NCAM2: variants seen among roughly 807,000 people sequenced by gnomAD.
NCAM2 encodes the protein neural cell adhesion molecule 2.
In NCAM2, 30 loss-of-function variants were observed where a neutral mutation model predicts 98.1. That is an observed-to-expected ratio of 0.31 (90% CI 0.23 to 0.41). The LOEUF (loss-of-function observed/expected upper bound fraction) is 0.41, where lower values mean the gene tolerates loss of function less well. Among genes scored for constraint, NCAM2 ranks in the 10% least tolerant of loss-of-function variants. The pLI, the probability that NCAM2 is intolerant of heterozygous loss-of-function variation, is 1.00. For missense variants in NCAM2, 867 were observed against 1,005.8 expected (o/e 0.86, Z 1.87); for synonymous variants, 368 against 342.4 (o/e 1.07, Z -0.83).
At chr21:21,498,488 C>T (rs537176713) in intron 15 of NCAM2, among the ~76,000 whole-genome samples, 1 of 152,210 alleles carries the variant, frequency 6.6e-6, no homozygotes, top group East Asian at 1.9e-4. Context: ...TCAATTATTT[C>T]TGTAACACAT....
rs116703013 is a variant in NCAM2 at position 21,084,613 on chromosome 21, C to T, written c.55+85995C>T. On this transcript the variant is annotated intron_variant, in intron 1 of 17. Coordinates refer to ENST00000400546, the MANE Select transcript of NCAM2 (RefSeq NM_004540.5). ...TCTTCCAATTTGAGATTGCTGTAAACAATAATGTAATAAAACATTAGAAAT... is the reference window on the plus strand; with the variant it reads ...TCTTCCAATTTGAGATTGCTGTAAATAATAATGTAATAAAACATTAGAAAT... 4.1e-3 allele frequency among the ~76,000 whole-genome samples: 618 copies of T among 152,172 alleles called. 8 individuals carry two copies. The highest frequency in any genetic ancestry group is 0.014 in the African/African-American group (579 of 41,520).
chr21:21,338,722 T>A (rs2074947226), intron 8 of NCAM2, among the ~76,000 whole-genome samples, 188 bp downstream of exon 8: 2 of 152,138 alleles, frequency 1.3e-5, no homozygotes, highest in South Asian at 4.1e-4. Flanking sequence ...AATGTCAATA[T>A]GAAATATTTA....
At position 21,084,767 on chromosome 21, in the gene NCAM2, T is replaced by C. The variant is rs75991209; in HGVS notation, c.55+86149T>C. Among the ~76,000 whole-genome samples the C allele has an allele frequency of 1.3e-3, 202 of 152,334 alleles. 3 individuals carry two copies. In the East Asian group the frequency reaches 0.035, roughly 27 times the overall value. On this transcript the variant is annotated intron_variant, in intron 1 of 17. Coordinates refer to ENST00000400546, the MANE Select transcript of NCAM2 (RefSeq NM_004540.5). ...AGTCTTTTGTTTCCCAATTGTCTTG[T>C]AAGGCACTGATAATGTAATTAGCAT...
intron 8 of NCAM2, among the ~76,000 whole-genome samples, chr21:21,350,816 G>C (rs1032368388): frequency 2.0e-5 from 3 of 151,740 alleles, no homozygotes; most frequent in African/African-American, 2.4e-5. Context: ...GGTCGGGTGC[G>C]GTGGCTCACG....
intron 1 of NCAM2, among the ~76,000 whole-genome samples, chr21:21,095,514 C>T (rs2066103310): frequency 6.6e-6 from 1 of 151,040 alleles, no homozygotes; most frequent in African/African-American, 2.4e-5. Flanking sequence ...GAAAAAACAT[C>T]TTGGAGGAAT....
chr21:21,486,104 C>G (rs1569111104), intron 15 of NCAM2, among the ~76,000 whole-genome samples: 1 of 151,994 alleles, frequency 6.6e-6, no homozygotes, highest in African/African-American at 2.4e-5. Flanking sequence ...GAGATTGAGA[C>G]CATCCCGGCT....
At chr21:21,028,018 C>T (rs938703328) in intron 1 of NCAM2, among the ~76,000 whole-genome samples, 3 of 152,044 alleles carry the variant, frequency 2.0e-5, no homozygotes, top group Non-Finnish European at 4.4e-5. Flanking sequence ...CAGGCTCCAC[C>T]ACACCCAGCT....
At chr21:21,439,122 C>CTTTTTT (rs34655565) in intron 12 of NCAM2, among the ~76,000 whole-genome samples, 3 of 145,640 alleles carry the variant, frequency 2.1e-5, no homozygotes, top group Non-Finnish European at 3.0e-5. Context: ...TAAGTACTTC[C>CTTTTTT]TTTTTTTTTT....
Position 21,224,911 on chromosome 21 carries a change from G to A in NCAM2, c.56-55667G>A, listed in dbSNP as rs193051887. 9.2e-5 allele frequency among the ~76,000 whole-genome samples: 14 copies of A among 152,190 alleles called. No individual in the cohort carries two copies. The East Asian group carries it at 2.5e-3, about 27-fold the overall frequency. On this transcript the variant is annotated intron_variant, in intron 1 of 17. Coordinates refer to ENST00000400546, the MANE Select transcript of NCAM2 (RefSeq NM_004540.5). ...GCTCTGCTTCATTATATATTAGAATGGCATGTATGAAATGTTGGCTCCTTT... is the reference window on the plus strand; with the variant it reads ...GCTCTGCTTCATTATATATTAGAATAGCATGTATGAAATGTTGGCTCCTTT...
chr21:21,319,625 A>C (rs2074320556), intron 5 of NCAM2, among the ~76,000 whole-genome samples: 1 of 152,204 alleles, frequency 6.6e-6, no homozygotes, highest in Non-Finnish European at 1.5e-5. Context: ...TGTCCGACAG[A>C]GTGAGACTCC....
At chr21:21,070,714 T>G (rs2146362562) in intron 1 of NCAM2, among the ~76,000 whole-genome samples, 1 of 152,208 alleles carries the variant, frequency 6.6e-6, no homozygotes, top group African/African-American at 2.4e-5. Context: ...GTGAGCAGAA[T>G]GCATAAATGT....
intron 9 of NCAM2, among the ~76,000 whole-genome samples, chr21:21,393,084 A>G (rs2076416197): frequency 6.6e-6 from 1 of 152,144 alleles, no homozygotes; most frequent in Non-Finnish European, 1.5e-5. Flanking sequence ...TTTGGGATTT[A>G]CATATAAGTC....
chr21:21,208,658 A>T (rs1333709415), intron 1 of NCAM2, among the ~76,000 whole-genome samples: 1 of 152,096 alleles, frequency 6.6e-6, no homozygotes, highest in Non-Finnish European at 1.5e-5. Context: ...GGAACTGCCT[A>T]TGTGGAGATT....
chr21:21,360,202 C>T (rs552747084), intron 8 of NCAM2, among the ~76,000 whole-genome samples: 1 of 151,972 alleles, frequency 6.6e-6, no homozygotes, highest in South Asian at 2.1e-4. Flanking sequence ...ATTGCCTTAA[C>T]ACAGAAGTTG....
At chr21:21,366,820 G>A (rs745647241) in intron 8 of NCAM2, among the ~76,000 whole-genome samples, 13 of 152,052 alleles carry the variant, frequency 8.5e-5, no homozygotes, top group Admixed American at 2.0e-4. Flanking sequence ...CAATTCACAC[G>A]TTTTAAGTAT....
At chr21:21,082,880 C>A (rs1300347624) in intron 1 of NCAM2, among the ~76,000 whole-genome samples, 1 of 152,150 alleles carries the variant, frequency 6.6e-6, no homozygotes. Flanking sequence ...TTCCACTCTG[C>A]GGGACACCTA....
chr21:21,296,412 A>G (rs1236020097), intron 5 of NCAM2, among the ~76,000 whole-genome samples: 3 of 147,154 alleles, frequency 2.0e-5, no homozygotes, highest in Non-Finnish European at 4.5e-5. Flanking sequence ...TAAAACAAAC[A>G]AGAGCATAAG....
chr21:21,331,561 C>CTATATATA lies in NCAM2; in HGVS notation c.738-3938_738-3937insTATATATA, dbSNP rs1555874321. On this transcript the variant is annotated intron_variant, in intron 6 of 17. Transcript: ENST00000400546. ...CTCTATATACATATATATATATACTCTATATACATATATATATAGAGAGAG... is the reference window on the plus strand; with the variant it reads ...CTCTATATACATATATATATATACTCTATATATATATATACATATATATATAGAGAGAG... 5.7e-4 allele frequency among the ~76,000 whole-genome samples: 4 copies of CTATATATA among 7,026 alleles called. 1 individual carries two copies. Among genetic ancestry groups the CTATATATA allele is most frequent in the African/African-American group, 1.3e-3 (4 of 3,024 alleles). 4.6% of individuals were successfully genotyped at this position (7,026 alleles called of 152,430 possible). A position where few individuals can be genotyped will look rare whatever the true frequency, so the allele number is the denominator to read the frequency against.
intron 1 of NCAM2, among the ~76,000 whole-genome samples, chr21:21,189,791 G>A (rs1035310560): frequency 1.3e-5 from 2 of 152,154 alleles, no homozygotes; most frequent in African/African-American, 4.8e-5. Flanking sequence ...AAAATTGCCA[G>A]TAATTTACTC....
Sources: allele counts gnomAD v4.1 joint callset (sites outside exome capture counted in the v4.1 genomes callset), GRCh38; gene constraint gnomAD v4.1.1; transcripts MANE v1.5; gene names NCBI Gene and HGNC (gene_info 2026-07-23, HGNC 2026-07-21).